RP1: variants seen among roughly 807,000 people sequenced by gnomAD.
The protein encoded by RP1 is RP1 axonemal microtubule associated.
In RP1, 16 loss-of-function variants were observed where a neutral mutation model predicts 14.8. The observed-to-expected ratio is 1.08, with a 90% CI of 0.73 to 1.65. The LOEUF is 1.65. RP1 is among the 40% of genes most tolerant of loss of function. The pLI is 0.00. For synonymous variants in RP1, 876 were observed against 883.6 expected (o/e 0.99, Z 0.15); for missense variants, 2,631 against 2,535.0 (o/e 1.04, Z -0.81).
rs377128951 is a variant in RP1, at chr8:54,670,705, AT to A, written c.1324-3144del. Among the ~76,000 whole-genome samples the A allele has an allele frequency of 4.7e-4, 62 of 132,772 alleles. 4 individuals are homozygous for A. Among genetic ancestry groups the A allele is most frequent in the East Asian group, 1.9e-3 (9 of 4,616 alleles). The allele number at this position is 132,772 out of a possible 152,430, so 87.1% of individuals were successfully genotyped here. On this transcript the variant is annotated intron_variant, in intron 7 of 22. Transcript: ENST00000636932. ...TATATATATATATATATATATATAT[AT>A]AAAACATTAAGTCCTGGTGAATTAA...
chr8:54,680,937 G>A (rs1467680513), intron 12 of RP1, among the ~76,000 whole-genome samples: 4 of 148,678 alleles, frequency 2.7e-5, no homozygotes, highest in Admixed American at 6.7e-5. Flanking sequence ...CAACCTGGGC[G>A]ACAGAGCGAG....
At chr8:54,823,651 G>A (rs1030164717) in intron 24 of RP1, among the ~76,000 whole-genome samples, 1 of 152,120 alleles carries the variant, frequency 6.6e-6, no homozygotes, top group Non-Finnish European at 1.5e-5. Context: ...TTTTATTGCT[G>A]AGTAATATTT....
At chr8:54,613,501 C>G (rs1159068233), upstream of RP1, among the ~76,000 whole-genome samples, 1 of 152,152 alleles carries the variant, frequency 6.6e-6, no homozygotes, top group Non-Finnish European at 1.5e-5. Flanking sequence ...TGAGCTGTTT[C>G]TGGAAATTCA....
At chr8:54,559,970 A>G (rs1804248586) in intron 1 of RP1, among the ~76,000 whole-genome samples, 1 of 152,204 alleles carries the variant, frequency 6.6e-6, no homozygotes, top group South Asian at 2.1e-4. Context: ...CTTGGATGAT[A>G]TTAATTTTTC....
intron 16 of RP1, among the ~76,000 whole-genome samples, chr8:54,724,261 T>C (rs965678453): frequency 1.3e-5 from 2 of 152,222 alleles, no homozygotes; most frequent in Admixed American, 6.5e-5. Flanking sequence ...TTAAAACATA[T>C]ATGCACTAAT....
At chr8:54,612,304 C>G (rs866949823), upstream of RP1, among the ~76,000 whole-genome samples, 5 of 152,342 alleles carry the variant, frequency 3.3e-5, no homozygotes, top group Middle Eastern at 3.4e-3. Context: ...ATTTCTCACT[C>G]TGGATCCTGC....
chr8:54,847,905 A>G (rs1177506688), intron 25 of RP1, among the ~76,000 whole-genome samples: 1 of 152,222 alleles, frequency 6.6e-6, no homozygotes, highest in Non-Finnish European at 1.5e-5. Context: ...AAAATGAATC[A>G]AACAGCTGCT....
chr8:54,861,959 C>A (rs190371724), intron 27 of RP1, among the ~76,000 whole-genome samples: 6 of 152,262 alleles, frequency 3.9e-5, no homozygotes, highest in Admixed American at 3.3e-4. Flanking sequence ...TGGTTCCCAA[C>A]TGGGGGCAAA....
chr8:54,689,323 G>A (rs989263031), intron 12 of RP1, among the ~76,000 whole-genome samples: 5 of 151,974 alleles, frequency 3.3e-5, no homozygotes, highest in Non-Finnish European at 7.4e-5. Flanking sequence ...TTGCCTGATT[G>A]CCCTGGCCAG....
At chr8:54,673,202 AT>A (rs1412493867) in intron 7 of RP1, among the ~76,000 whole-genome samples, 38 of 152,266 alleles carry the variant, frequency 2.5e-4, no homozygotes, top group African/African-American at 8.9e-4. Context: ...ACTTAGCGAT[AT>A]TTGAGGATAA....
At chr8:54,672,531 A>G (rs994278879) in intron 7 of RP1, among the ~76,000 whole-genome samples, 10 of 152,180 alleles carry the variant, frequency 6.6e-5, no homozygotes, top group Non-Finnish European at 1.5e-5. Context: ...TTCTTACATT[A>G]TTGTTAACTT....
At chr8:54,653,873 AAACT>A (rs1190631805) in intron 5 of RP1, among the ~76,000 whole-genome samples, 2 of 152,310 alleles carry the variant, frequency 1.3e-5, no homozygotes, top group South Asian at 2.1e-4. Context: ...TCAGTAAGGT[AAACT>A]AACATATGAA....
At chr8:54,759,084 T>C in intron 22 of RP1, 2 of 1,533,610 alleles carry the variant, frequency 1.3e-6, no homozygotes, top group Non-Finnish European at 1.7e-6. Context: ...AAGGTAATGC[T>C]GGTCTCCAAG....
chr8:54,785,754 GA>G (rs753727328), intron 24 of RP1, among the ~76,000 whole-genome samples: 9 of 151,994 alleles, frequency 5.9e-5, no homozygotes, highest in Non-Finnish European at 1.2e-4. Context: ...ATCTTATTGT[GA>G]TTTTGATATG....
intron 12 of RP1, chr8:54,696,443 C>G: frequency 1.3e-6 from 1 of 799,832 alleles, no homozygotes; most frequent in Non-Finnish European, 2.1e-6. Flanking sequence ...TCCAGAAAGT[C>G]TCCTGAAAAA....
At chr8:54,720,627 G>C (rs528719695) in intron 16 of RP1, among the ~76,000 whole-genome samples, 1 of 152,266 alleles carries the variant, frequency 6.6e-6, no homozygotes, top group African/African-American at 2.4e-5. Flanking sequence ...TACCCTGAGA[G>C]GGATGAGGCT....
Position 54,819,503 on chromosome 8 carries a change from GGATGTTCTT to G in RP1, c.3616-17940_3616-17932del, listed in dbSNP as rs539927496. Among the ~76,000 whole-genome samples the G allele has an allele frequency of 1.1e-4, 17 of 152,076 alleles. No individual in the cohort carries two copies. In the East Asian group the frequency reaches 1.8e-3, roughly 16 times the overall value. On this transcript the variant is annotated intron_variant, in intron 24 of 28. Coordinates refer to the RP1 transcript ENST00000637698. ...TTGCTTGGTGAGGTCACATTCTCCT[GGATGTTCTT>G]GATGTTTGTAGATGATTGTTGACGT... is the stretch of plus-strand genomic sequence containing the variant.
At position 54,627,214 on chromosome 8, in the gene RP1, C is replaced by T. The variant is rs774606742; in HGVS notation, c.3332C>T (p.Ser1111Leu). 2.5e-6 allele frequency: 4 copies of T among 1,614,080 alleles called. No homozygotes were observed. The highest frequency in any genetic ancestry group is 3.4e-6 in the Non-Finnish European group (4 of 1,179,990). The change falls in exon 4 of 4, where the codon TCA (serine) becomes TTA (leucine). Residue 1111 changes from serine to leucine, a missense_variant. Coordinates refer to ENST00000220676, the MANE Select transcript of RP1 (RefSeq NM_006269.2). Reference sequence around the variant, plus strand: ...AATGGAGTTGTTCAAATGCCAGGTTCACTTGCAGGTGTTCCCTTTCATTCT... The same window carrying T: ...AATGGAGTTGTTCAAATGCCAGGTTTACTTGCAGGTGTTCCCTTTCATTCT... ...TQNGVVQMPG[S>L]LAGVPFHSAI...
intron 22 of RP1, among the ~76,000 whole-genome samples, chr8:54,763,230 A>G: frequency 6.6e-6 from 1 of 152,266 alleles, no homozygotes; most frequent in Middle Eastern, 3.2e-3. Context: ...AAAATAAGTT[A>G]GCATCTATCT....
Sources: gnomAD v4.1 joint callset for allele counts (sites outside exome capture counted in the v4.1 genomes callset) on GRCh38, gnomAD v4.1.1 for gene constraint, MANE v1.5 for transcripts, NCBI Gene and HGNC (gene_info 2026-07-23, HGNC 2026-07-21) for gene names.